The following TMEM178B variants were observed in gnomAD, a reference collection of about 807,000 sequenced individuals.
The protein encoded by TMEM178B is transmembrane protein 178B.
Under a neutral mutation model 31.0 loss-of-function variants are expected in TMEM178B, and 5 were observed. That is an observed-to-expected ratio of 0.16 (90% CI 0.08 to 0.34). The LOEUF (loss-of-function observed/expected upper bound fraction) is 0.34, where lower values mean the gene tolerates loss of function less well. Ranked by LOEUF, TMEM178B falls within the 10% of genes least tolerant of loss-of-function variation. The pLI is 1.00. For missense variants in TMEM178B, 275 were observed against 400.3 expected, an observed-to-expected ratio of 0.69 and a Z score of 2.67; for synonymous variants, 164 against 164.0, an observed-to-expected ratio of 1.00 and a Z score of 0.00.
intron 2 of TMEM178B, among the ~76,000 whole-genome samples, chr7:141,304,087 A>C (rs1313522666): frequency 6.6e-6 from 1 of 152,214 alleles, no homozygotes; most frequent in African/African-American, 2.4e-5. Context: ...GCTGATGTTT[A>C]TTGCAAGAGC....
chr7:141,217,746 G>T (rs1302340991), intron 2 of TMEM178B, among the ~76,000 whole-genome samples: 3 of 152,110 alleles, frequency 2.0e-5, no homozygotes, highest in Non-Finnish European at 2.9e-5. Context: ...TTCCCTCAGG[G>T]TCAGATCCCT....
chr7:141,391,677 T>C (rs10261257), intron 2 of TMEM178B, among the ~76,000 whole-genome samples: 40,109 of 151,932 alleles, frequency 0.26, 5,604 homozygotes, highest in African/African-American at 0.32. Flanking sequence ...TCCATAGACA[T>C]GAATTCCCCC....
intron 2 of TMEM178B, among the ~76,000 whole-genome samples, chr7:141,324,139 C>T (rs1257395059): frequency 6.6e-6 from 1 of 152,004 alleles, no homozygotes; most frequent in East Asian, 1.9e-4. Flanking sequence ...TCATTTAGGC[C>T]CTTGGCTTTT....
chr7:141,080,141 C>T lies in TMEM178B; in HGVS notation c.382+5449C>T, dbSNP rs116712206. 4.3e-3 allele frequency among the ~76,000 whole-genome samples: 654 copies of T among 152,344 alleles called. 5 individuals are homozygous for T. Among genetic ancestry groups the T allele is most frequent in the African/African-American group, 0.015 (619 of 41,572 alleles). On this transcript the variant is annotated intron_variant, in intron 1 of 3. Transcript: ENST00000565468. ...TGAAGCTCACTGACCAAAGTGCATA[C>T]ACATTTTGTCATATAACTTTTGCTT...
At chr7:141,173,568 C>A (rs531222393) in intron 1 of TMEM178B, among the ~76,000 whole-genome samples, 3 of 152,254 alleles carry the variant, frequency 2.0e-5, no homozygotes, top group Admixed American at 6.5e-5. Flanking sequence ...AAACTTGCAA[C>A]CCTGACAATA....
rs116278334 is a variant in TMEM178B, at chr7:141,153,067, T to G, written c.383-59524T>G. 1.1e-3 allele frequency among the ~76,000 whole-genome samples: 174 copies of G among 152,352 alleles called. 1 individual carries two copies. The highest frequency in any genetic ancestry group is 3.9e-3 in the African/African-American group (162 of 41,588). On this transcript the variant is annotated intron_variant, in intron 1 of 3. Coordinates refer to ENST00000565468, the MANE Select transcript of TMEM178B (RefSeq NM_001195278.2). ...AACCAAGGCCTGAACACTTAACTGT[T>G]CTTCTTTCAGATGAAAGACACATGC... is the stretch of plus-strand genomic sequence containing the variant.
At chr7:141,105,408 G>C (rs1173455446) in intron 1 of TMEM178B, among the ~76,000 whole-genome samples, 1 of 152,182 alleles carries the variant, frequency 6.6e-6, no homozygotes, top group African/African-American at 2.4e-5. Context: ...TTGGGAGGCT[G>C]AGACATGAGA....
rs181492471 is a variant in TMEM178B, at chr7:141,423,811, T to G, written c.497-13797T>G. 8.7e-3 allele frequency among the ~76,000 whole-genome samples: 1,286 copies of G among 148,286 alleles called. 24 individuals are homozygous for G. The highest frequency in any genetic ancestry group is 0.031 in the African/African-American group (1,230 of 40,112). ...TTTCTATAGTGACATTTGTGTTTTTTTTTTTTTTTTTTTTTGAAATGGAGT... is the reference window on the plus strand; with the variant it reads ...TTTCTATAGTGACATTTGTGTTTTTGTTTTTTTTTTTTTTTGAAATGGAGT... On this transcript the variant is annotated intron_variant, in intron 2 of 3. Transcript: ENST00000565468.
At chr7:141,246,768 C>T (rs1286406017) in intron 2 of TMEM178B, among the ~76,000 whole-genome samples, 3 of 151,924 alleles carry the variant, frequency 2.0e-5, no homozygotes, top group South Asian at 4.2e-4. Context: ...GTAAAGGGGC[C>T]GGGGTCAGAG....
intron 1 of TMEM178B, among the ~76,000 whole-genome samples, chr7:141,082,301 G>T (rs1185093247): frequency 6.6e-6 from 1 of 152,180 alleles, no homozygotes; most frequent in Non-Finnish European, 1.5e-5. Flanking sequence ...TTAGCTGAGG[G>T]ACCTCCACAG....
chr7:141,346,853 C>T (rs945999944), intron 2 of TMEM178B, among the ~76,000 whole-genome samples: 1 of 152,178 alleles, frequency 6.6e-6, no homozygotes, highest in Non-Finnish European at 1.5e-5. Context: ...CTCTGTGCCC[C>T]TACCCAAATC....
rs566813499 is a variant in TMEM178B, at chr7:141,163,357, G to A, written c.383-49234G>A. On this transcript the variant is annotated intron_variant, in intron 1 of 3. Coordinates refer to ENST00000565468, the MANE Select transcript of TMEM178B (RefSeq NM_001195278.2). ...CACCATATGATATTGACCAAAACAA[G>A]TTATGTGGCTGAGCTCAGATTCAGG... is the stretch of plus-strand genomic sequence containing the variant. Among the ~76,000 whole-genome samples the A allele has an allele frequency of 3.1e-4, 47 of 151,944 alleles. 1 individual carries two copies. The highest frequency in any genetic ancestry group is 3.4e-3 in the Middle Eastern group (1 of 294).
chr7:141,201,538 A>G (rs1796877505), intron 1 of TMEM178B, among the ~76,000 whole-genome samples: 2 of 152,154 alleles, frequency 1.3e-5, no homozygotes, highest in African/African-American at 4.8e-5. Context: ...GGGTTATCTC[A>G]TTTATTCCTC....
intron 1 of TMEM178B, among the ~76,000 whole-genome samples, chr7:141,101,850 G>A (rs1002788762): frequency 6.6e-6 from 1 of 151,952 alleles, no homozygotes; most frequent in Non-Finnish European, 1.5e-5. Context: ...GGATCTTCTA[G>A]GATGTTTGTC....
At chr7:141,365,956 T>C (rs1799996943) in intron 2 of TMEM178B, among the ~76,000 whole-genome samples, 1 of 152,226 alleles carries the variant, frequency 6.6e-6, no homozygotes, top group Non-Finnish European at 1.5e-5. Flanking sequence ...AGGCAAGTCG[T>C]TTAACCCTCA....
intron 1 of TMEM178B, among the ~76,000 whole-genome samples, chr7:141,170,269 TTTTCTTGATCTGAA>T (rs1796326338): frequency 6.6e-6 from 1 of 152,220 alleles, no homozygotes; most frequent in Non-Finnish European, 1.5e-5. Context: ...TGTGAGTTAA[TTTTCTTGATCTGAA>T]TAGTCCCTGG....
intron 1 of TMEM178B, among the ~76,000 whole-genome samples, chr7:141,079,787 T>A (rs964615946): frequency 2.0e-5 from 3 of 152,218 alleles, no homozygotes; most frequent in African/African-American, 7.2e-5. Context: ...ATGTATTAGC[T>A]AATTTATTGT....
chr7:141,203,638 C>T (rs934637602), intron 1 of TMEM178B, among the ~76,000 whole-genome samples: 7 of 152,196 alleles, frequency 4.6e-5, no homozygotes, highest in African/African-American at 1.7e-4. Flanking sequence ...GCTGCACTCA[C>T]ACTGGAAAGC....
At position 141,414,916 on chromosome 7, in the gene TMEM178B, C is replaced by T. The variant is rs949305331; in HGVS notation, c.497-22692C>T. Reference sequence around the variant, plus strand: ...CAAGCTCAGTTGATCATTTCCATGTCATTAGAAGATAAGTGTATCTTTCTG... The same window carrying T: ...CAAGCTCAGTTGATCATTTCCATGTTATTAGAAGATAAGTGTATCTTTCTG... On this transcript the variant is annotated intron_variant, in intron 2 of 3. Coordinates refer to ENST00000565468, the MANE Select transcript of TMEM178B (RefSeq NM_001195278.2). 6 of 152,196 alleles carry T rather than the reference C, an allele frequency of 3.9e-5. No homozygotes were observed. The South Asian group carries it at 6.2e-4, about 16-fold the overall frequency. 9.4% of individuals were successfully genotyped at this position (152,196 alleles called of 1,614,324 possible).
Sources: allele counts gnomAD v4.1 joint callset (sites outside exome capture counted in the v4.1 genomes callset), GRCh38; gene constraint gnomAD v4.1.1; transcripts MANE v1.5; gene names NCBI Gene and HGNC (gene_info 2026-07-23, HGNC 2026-07-21).